EIF2S1: variants seen among roughly 807,000 people sequenced by gnomAD.
The protein encoded by EIF2S1 is eukaryotic translation initiation factor 2 subunit 1.
Under a neutral mutation model 33.5 loss-of-function variants are expected in EIF2S1, and 5 were observed. The ratio of observed to expected loss-of-function variants is 0.15; its 90% CI spans 0.08 to 0.31. The LOEUF (loss-of-function observed/expected upper bound fraction) is 0.31, where lower values mean the gene tolerates loss of function less well. Among genes scored for constraint, EIF2S1 ranks in the 10% least tolerant of loss-of-function variants. EIF2S1 has a pLI of 1.00. For missense variants in EIF2S1, 191 were observed against 384.6 expected, an observed-to-expected ratio of 0.50 and a Z score of 4.21; for synonymous variants, 99 against 127.5, an observed-to-expected ratio of 0.78 and a Z score of 1.51.
In EIF2S1 at chr14:67,384,143, A is replaced by G. The variant is rs2085905432; in HGVS notation, c.*703A>G. 2 of 152,472 alleles carry G rather than the reference A, an allele frequency of 1.3e-5. No homozygotes were observed. Among genetic ancestry groups the G allele is most frequent in the South Asian group, 4.1e-4 (2 of 4,828 alleles). The allele number at this position is 152,472 out of a possible 1,614,324, so 9.4% of individuals were successfully genotyped here. A position where few individuals can be genotyped will look rare whatever the true frequency, so the allele number is the denominator to read the frequency against. On this transcript the variant is annotated 3_prime_UTR_variant, in exon 8 of 8. Transcript: ENST00000256383. ...GATTGATGACAACCTGTGTGAGAGA[A>G]TTTATCACACCACGTCCTTATTGGA...
intron 4 of EIF2S1, among the ~76,000 whole-genome samples, chr14:67,378,089 C>T (rs1422260492): frequency 6.6e-6 from 1 of 151,352 alleles, no homozygotes; most frequent in Non-Finnish European, 1.5e-5. Context: ...CACCACTGCA[C>T]TCTAGTCTGG....
chr14:67,382,202 G>T (rs1218085410), intron 6 of EIF2S1, among the ~76,000 whole-genome samples: 1 of 152,000 alleles, frequency 6.6e-6, no homozygotes, highest in African/African-American at 2.4e-5. Flanking sequence ...TTTCTATTCA[G>T]TATCGCAGTG....
At chr14:67,377,084 T>C (rs758288638) in intron 4 of EIF2S1, among the ~76,000 whole-genome samples, 1 of 152,260 alleles carries the variant, frequency 6.6e-6, no homozygotes, top group African/African-American at 2.4e-5. Flanking sequence ...TAATTCTGTA[T>C]GTTAGGATCT....
intron 2 of EIF2S1, 141 bp from the exon 3 acceptor site, chr14:67,374,326 TA>T: frequency 2.1e-6 from 1 of 468,268 alleles, no homozygotes. Flanking sequence ...TTGTAATACT[TA>T]TGCAGTATTT....
intron 3 of EIF2S1, among the ~76,000 whole-genome samples, chr14:67,375,988 T>A (rs1343900765): frequency 6.6e-6 from 1 of 152,222 alleles, no homozygotes; most frequent in African/African-American, 2.4e-5. Flanking sequence ...ATACTTTTTG[T>A]CTACACCCTG....
chr14:67,367,898 T>C (rs1350874067), intron 2 of EIF2S1, among the ~76,000 whole-genome samples: 1 of 152,012 alleles, frequency 6.6e-6, no homozygotes, highest in Non-Finnish European at 1.5e-5. Flanking sequence ...TGACCTGACA[T>C]GGAAAATATA....
chr14:67,376,286 C>T (rs1030007971), intron 3 of EIF2S1, among the ~76,000 whole-genome samples, 153 bp from the exon 4 acceptor site: 6 of 152,200 alleles, frequency 3.9e-5, no homozygotes, highest in Admixed American at 2.6e-4. Context: ...ACTATCTCTA[C>T]TTTTTATACC....
chr14:67,360,388 C>T lies in EIF2S1; in HGVS notation c.-70C>T, dbSNP rs552422395. The T allele has an allele frequency of 1.3e-5, 5 of 395,634 alleles. No individual in the cohort carries two copies. Among genetic ancestry groups the T allele is most frequent in the African/African-American group, 4.1e-5 (2 of 48,562 alleles). The allele number at this position is 395,634 out of a possible 1,614,324, so 24.5% of individuals were successfully genotyped here. ...GGATCGGCGGCCGGTGAGGGGGAAGCAAGTCTGGTCTCTGTGATTGAAGAA... is the reference window on the plus strand; with the variant it reads ...GGATCGGCGGCCGGTGAGGGGGAAGTAAGTCTGGTCTCTGTGATTGAAGAA... On this transcript the variant is annotated 5_prime_UTR_variant, in exon 1 of 8. An upstream open reading frame in the 5' UTR gains an earlier in-frame stop. Transcript: ENST00000256383.
chr14:67,370,104 C>T (rs1037719330), intron 2 of EIF2S1, among the ~76,000 whole-genome samples: 9 of 152,276 alleles, frequency 5.9e-5, no homozygotes, highest in Non-Finnish European at 1.2e-4. Context: ...AGGAACACGT[C>T]CTTAAGACAC....
In EIF2S1 at chr14:67,380,609, A is replaced by G. The variant is rs912675883; in HGVS notation, c.474-50A>G. On this transcript the variant is annotated intron_variant, in intron 4 of 7. Transcript: ENST00000256383. Reference sequence around the variant, plus strand: ...TTCCATAGTGTTTGGTTTCACATTTATCAGTAATATAACCTTGACCTTTTG... The same window carrying G: ...TTCCATAGTGTTTGGTTTCACATTTGTCAGTAATATAACCTTGACCTTTTG... 63 of 1,027,914 alleles carry G rather than the reference A, an allele frequency of 6.1e-5. 2 individuals are homozygous for G. Among genetic ancestry groups the G allele is most frequent in the East Asian group, 2.7e-5 (1 of 37,398 alleles). The allele number at this position is 1,027,914 out of a possible 1,614,324, so 63.7% of individuals were successfully genotyped here.
Position 67,364,839 on chromosome 14 carries a change from C to G in EIF2S1, c.72C>G (p.Val24=). ...TGGAAGATGTAGTGATGGTGAATGT[C>G]AGATCCATTGCTGAAATGGGGGCTT... The part of the protein sequence containing the change: ...PEVEDVVMVN[V]RSIAEMGAYV... Residue 24 remains valine (V), a synonymous_variant, in exon 2 of 8, where the codon GTC becomes GTG. Coordinates refer to ENST00000256383, the MANE Select transcript of EIF2S1 (RefSeq NM_004094.5). 6.2e-7 allele frequency: 1 copy of G among 1,613,904 alleles called. No homozygotes were observed. Among genetic ancestry groups the G allele is most frequent in the African/African-American group, 1.3e-5 (1 of 74,990 alleles).
Position 67,383,633 on chromosome 14 carries a change from A to G in EIF2S1, c.*193A>G. On this transcript the variant is annotated 3_prime_UTR_variant, in exon 8 of 8. Transcript: ENST00000256383. ...TCAGCTGTTGTCACACAGTAGCTCC[A>G]ACACTTTGAGCATTTTTAAGGGAGT... 1 of 677,132 alleles carries G rather than the reference A, an allele frequency of 1.5e-6. No individual in the cohort carries two copies. The highest frequency in any genetic ancestry group is 2.4e-6 in the Non-Finnish European group (1 of 417,290). 41.9% of individuals were successfully genotyped at this position (677,132 alleles called of 1,614,324 possible).
chr14:67,376,385 A>G (rs1417570215), intron 3 of EIF2S1, 54 bp from the exon 4 acceptor site: 4 of 1,495,036 alleles, frequency 2.7e-6, no homozygotes, highest in Middle Eastern at 2.2e-4. Context: ...ATGTAAAAAC[A>G]TTTTTTATAA....
intron 5 of EIF2S1, 28 bp from the exon 6 acceptor site, chr14:67,381,565 A>T (rs1487134016): frequency 1.3e-6 from 2 of 1,581,118 alleles, no homozygotes; most frequent in Admixed American, 1.7e-5. Flanking sequence ...TGCATTTTTT[A>T]TCAACTTTTG....
At chr14:67,362,017 T>C (rs1421225299) in intron 1 of EIF2S1, among the ~76,000 whole-genome samples, 2 of 128,630 alleles carry the variant, frequency 1.6e-5, no homozygotes, top group African/African-American at 4.1e-5. Flanking sequence ...TTTTTTTTTT[T>C]CTTTTTTCTT....
At position 67,385,931 on chromosome 14, in the gene EIF2S1, C is replaced by G. The variant is rs1445787296; in HGVS notation, c.*2491C>G. 6.6e-6 allele frequency: 1 copy of G among 152,168 alleles called. No homozygotes were observed. The highest frequency in any genetic ancestry group is 1.5e-5 in the Non-Finnish European group (1 of 68,030). The allele number at this position is 152,168 out of a possible 1,614,324, so 9.4% of individuals were successfully genotyped here. Reference sequence around the variant, plus strand: ...ATACTTCAGCCATTCTACTTTTACACCAAGAACAAAATGGCTAGAGATTTT... The same window carrying G: ...ATACTTCAGCCATTCTACTTTTACAGCAAGAACAAAATGGCTAGAGATTTT... On this transcript the variant is annotated 3_prime_UTR_variant, in exon 8 of 8. Transcript: ENST00000256383.
At chr14:67,372,544 A>G (rs2085829556) in intron 2 of EIF2S1, among the ~76,000 whole-genome samples, 1 of 152,226 alleles carries the variant, frequency 6.6e-6, no homozygotes, top group Non-Finnish European at 1.5e-5. Context: ...AAAATCCTGT[A>G]TCTAGGCTGG....
chr14:67,377,753 ACC>A (rs900252007), intron 4 of EIF2S1, among the ~76,000 whole-genome samples: 4 of 152,086 alleles, frequency 2.6e-5, no homozygotes, highest in African/African-American at 9.7e-5. Flanking sequence ...ATACTATAAA[ACC>A]CACTTCTCAA....
chr14:67,362,005 C>G (rs1321374815), intron 1 of EIF2S1, among the ~76,000 whole-genome samples: 3 of 140,500 alleles, frequency 2.1e-5, no homozygotes, highest in Non-Finnish European at 3.1e-5. Flanking sequence ...AGGTAAGAGT[C>G]TTTTTTTTTT....
Sources: gnomAD v4.1 joint callset for allele counts (sites outside exome capture counted in the v4.1 genomes callset) on GRCh38, gnomAD v4.1.1 for gene constraint, MANE v1.5 for transcripts, NCBI Gene and HGNC (gene_info 2026-07-23, HGNC 2026-07-21) for gene names.